RBFOX2: variants seen among roughly 807,000 people sequenced by gnomAD.
The protein encoded by RBFOX2 is RNA binding protein fox-1 homolog 2.
A neutral mutation model predicts 49.1 loss-of-function variants in RBFOX2; 10 were observed. The observed-to-expected ratio is 0.20, with a 90% CI of 0.13 to 0.35. The LOEUF is 0.35. RBFOX2 is among the 10% of genes least tolerant of loss of function. The pLI is 1.00. For synonymous variants in RBFOX2, 183 were observed against 187.4 expected, an observed-to-expected ratio of 0.98 and a Z score of 0.19; for missense variants, 323 against 486.9, an observed-to-expected ratio of 0.66 and a Z score of 3.17.
chr22:35,789,755 C>T (rs1408466289), intron 2 of RBFOX2, among the ~76,000 whole-genome samples: 2 of 152,112 alleles, frequency 1.3e-5, no homozygotes, highest in Non-Finnish European at 2.9e-5. Flanking sequence ...GGGGAAAGGT[C>T]CTACTCCCTG....
At chr22:35,775,188 G>C (rs755259381) in intron 4 of RBFOX2, among the ~76,000 whole-genome samples, 1 of 152,156 alleles carries the variant, frequency 6.6e-6, no homozygotes, top group African/African-American at 2.4e-5. Flanking sequence ...AGGCATCCAT[G>C]GGTTTGATTC....
intron 9 of RBFOX2, among the ~76,000 whole-genome samples, chr22:35,757,412 A>G (rs1937317611): frequency 6.6e-6 from 1 of 152,284 alleles, no homozygotes; most frequent in South Asian, 2.1e-4. Flanking sequence ...TGAAGTCAAG[A>G]TCAGATTGTT....
At chr22:35,905,443 T>G (rs1281225277) in intron 1 of RBFOX2, among the ~76,000 whole-genome samples, 2 of 152,168 alleles carry the variant, frequency 1.3e-5, no homozygotes, top group Admixed American at 6.5e-5. Context: ...ATGCCCACTA[T>G]TTTACTGTTA....
chr22:35,955,279 A>G (rs2055410845), intron 1 of RBFOX2, among the ~76,000 whole-genome samples: 1 of 152,238 alleles, frequency 6.6e-6, no homozygotes, highest in Non-Finnish European at 1.5e-5. Flanking sequence ...TTCTGTGGTT[A>G]TAACTACTGC....
chr22:35,812,526 T>A (rs1019691429), intron 1 of RBFOX2, among the ~76,000 whole-genome samples: 1 of 152,116 alleles, frequency 6.6e-6, no homozygotes, highest in Admixed American at 6.5e-5. Context: ...ATATGAAACA[T>A]ACTGCTTCAG....
chr22:36,026,838 A>C (rs1025159219), intron 1 of RBFOX2, among the ~76,000 whole-genome samples: 1 of 152,236 alleles, frequency 6.6e-6, no homozygotes, highest in Non-Finnish European at 1.5e-5. Context: ...AAGGAGACCA[A>C]GAAGCATACA....
chr22:35,876,695 AAAAG>A (rs1016813753), intron 1 of RBFOX2, among the ~76,000 whole-genome samples: 8 of 141,814 alleles, frequency 5.6e-5, no homozygotes, highest in Admixed American at 1.4e-4. Context: ...TTCTCCCATT[AAAAG>A]AAACACACAC....
At chr22:35,750,534 C>A (rs997950386) in intron 9 of RBFOX2, 2 of 1,129,166 alleles carry the variant, frequency 1.8e-6, no homozygotes, top group Non-Finnish European at 2.6e-6. Context: ...AGGGCACACA[C>A]GGACGGCTTT....
rs1028615864 is a variant in RBFOX2 at position 35,956,321 on chromosome 22, G to A, written c.42+5242C>T. Among the ~76,000 whole-genome samples, 12 of 151,932 alleles carry A rather than the reference G, an allele frequency of 7.9e-5. No homozygotes were observed. In the East Asian group the frequency reaches 2.3e-3, roughly 29 times the overall value. On this transcript the variant is annotated intron_variant, in intron 1 of 5. Transcript: ENST00000408983. ...CTTGAAAGTTCAAATTTTATCACTG[G>A]CCACAAATATCAGTTTTCCTTAAAA... is the stretch of plus-strand genomic sequence containing the variant.
At chr22:35,770,500 T>C (rs1329733757) in intron 4 of RBFOX2, among the ~76,000 whole-genome samples, 1 of 152,182 alleles carries the variant, frequency 6.6e-6, no homozygotes, top group Non-Finnish European at 1.5e-5. Context: ...ATTGGTTTCA[T>C]TTTGAAGGTA....
At chr22:36,003,161 C>T (rs1478167407) in intron 1 of RBFOX2, among the ~76,000 whole-genome samples, 2 of 152,196 alleles carry the variant, frequency 1.3e-5, no homozygotes, top group East Asian at 1.9e-4. Context: ...TTTTCCTTCA[C>T]CCTTTTCTTC....
intron 1 of RBFOX2, among the ~76,000 whole-genome samples, chr22:35,822,559 T>C (rs890917606): frequency 3.9e-5 from 6 of 152,170 alleles, no homozygotes; most frequent in African/African-American, 1.2e-4. Context: ...CTCTGTGAAT[T>C]TGCTTTCTGA....
chr22:36,018,565 G>A (rs1177640289), intron 1 of RBFOX2, among the ~76,000 whole-genome samples: 2 of 152,108 alleles, frequency 1.3e-5, no homozygotes, highest in Non-Finnish European at 2.9e-5. Flanking sequence ...ACAATCCTGA[G>A]AAAAAACACA....
intron 1 of RBFOX2, among the ~76,000 whole-genome samples, chr22:36,003,110 G>C (rs1348271513): frequency 1.3e-5 from 2 of 152,154 alleles, no homozygotes; most frequent in Non-Finnish European, 2.9e-5. Context: ...CTTATCAACT[G>C]GGCCTGCTGG....
At chr22:35,850,334 G>A (rs1287028884) in intron 1 of RBFOX2, among the ~76,000 whole-genome samples, 1 of 151,690 alleles carries the variant, frequency 6.6e-6, no homozygotes, top group Non-Finnish European at 1.5e-5. Flanking sequence ...ACTGATACAC[G>A]CAGTAAGGGG....
chr22:35,924,272 A>G (rs996204166), intron 1 of RBFOX2, among the ~76,000 whole-genome samples: 1 of 152,240 alleles, frequency 6.6e-6, no homozygotes, highest in Non-Finnish European at 1.5e-5. Context: ...TACCAGAATT[A>G]AAGAGCTAAA....
intron 1 of RBFOX2, among the ~76,000 whole-genome samples, chr22:35,974,354 C>T (rs1023977707): frequency 2.0e-5 from 3 of 152,182 alleles, no homozygotes; most frequent in African/African-American, 7.2e-5. Context: ...CATTCGTTCT[C>T]GTCTATTAAC....
upstream of RBFOX2, among the ~76,000 whole-genome samples, chr22:35,966,391 G>C (rs1460832772): frequency 2.0e-5 from 3 of 152,114 alleles, no homozygotes; most frequent in Non-Finnish European, 4.4e-5. Flanking sequence ...CTTACGTTGA[G>C]CTTTGGTAGA....
At chr22:35,753,783 T>C (rs1182390727) in intron 9 of RBFOX2, among the ~76,000 whole-genome samples, 4 of 135,512 alleles carry the variant, frequency 3.0e-5, no homozygotes, top group African/African-American at 1.1e-4. Flanking sequence ...TTTTTTTTTT[T>C]TTTTTTTTTT....
Sources: allele counts gnomAD v4.1 joint callset (sites outside exome capture counted in the v4.1 genomes callset), GRCh38; gene constraint gnomAD v4.1.1; transcripts MANE v1.5; gene names NCBI Gene and HGNC (gene_info 2026-07-23, HGNC 2026-07-21).